HHIPL1: variants seen among roughly 807,000 people sequenced by gnomAD.
HHIPL1 encodes HHIP like 1.
In HHIPL1, 43 loss-of-function variants were observed where a neutral mutation model predicts 61.8. That is an observed-to-expected ratio of 0.70 (90% CI 0.55 to 0.90). The LOEUF (loss-of-function observed/expected upper bound fraction) is 0.90. Among genes scored for constraint, HHIPL1 ranks in the 40% least tolerant of loss-of-function variants. The pLI is 0.00. For synonymous variants in HHIPL1, 482 were observed against 515.8 expected (o/e 0.93, Z 0.89); for missense variants, 1,056 against 1,157.7 (o/e 0.91, Z 1.28).
At chr14:99,611,450 C>T in the HHIPL1 span, among the ~76,000 whole-genome samples, 608 of 152,174 alleles carry the variant, frequency 4.0e-3, 6 homozygotes, top group African/African-American at 0.014. Flanking sequence ...TCCACCACCA[C>T]GCCCAGGTAA....
chr14:99,670,783 C>T (rs1395268858), intron 7 of HHIPL1, among the ~76,000 whole-genome samples: 1 of 152,110 alleles, frequency 6.6e-6, no homozygotes, highest in Non-Finnish European at 1.5e-5. Flanking sequence ...CATCGCCCTC[C>T]AAAAAACCAT....
the HHIPL1 span, among the ~76,000 whole-genome samples, chr14:99,606,227 C>G: frequency 1.3e-5 from 2 of 152,178 alleles, no homozygotes; most frequent in Non-Finnish European, 2.9e-5. Flanking sequence ...CCAAGAGAAC[C>G]AGCTCCTGAG....
At chr14:99,665,531 C>G (rs1222118095) in intron 6 of HHIPL1, among the ~76,000 whole-genome samples, 2 of 152,238 alleles carry the variant, frequency 1.3e-5, no homozygotes, top group Non-Finnish European at 2.9e-5. Context: ...GCCTCCAACT[C>G]CTGGGCAATC....
the HHIPL1 span, among the ~76,000 whole-genome samples, chr14:99,637,395 C>T: frequency 6.6e-6 from 1 of 151,884 alleles, no homozygotes. Flanking sequence ...AACCCGGTCT[C>T]TACTAAAACA....
the HHIPL1 span, among the ~76,000 whole-genome samples, chr14:99,622,506 G>A: frequency 6.6e-6 from 1 of 152,184 alleles, no homozygotes; most frequent in Non-Finnish European, 1.5e-5. Flanking sequence ...TGGCACCGAC[G>A]CCCTGTCCTT....
chr14:99,639,216 C>T, the HHIPL1 span, among the ~76,000 whole-genome samples: 1 of 152,208 alleles, frequency 6.6e-6, no homozygotes, highest in South Asian at 2.1e-4. Context: ...TGTGGTGACT[C>T]CAGCTTTATT....
At chr14:99,644,032 G>A (rs2055787889), upstream of HHIPL1, among the ~76,000 whole-genome samples, 1 of 152,150 alleles carries the variant, frequency 6.6e-6, no homozygotes, top group African/African-American at 2.4e-5. Context: ...AATTCCCCGT[G>A]TTTCAAATAC....
At chr14:99,651,575 T>A (rs2140058440) in intron 1 of HHIPL1, among the ~76,000 whole-genome samples, 1 of 152,230 alleles carries the variant, frequency 6.6e-6, no homozygotes, top group Middle Eastern at 3.4e-3. Context: ...CGCCCCGTGA[T>A]CCAGTCACCT....
chr14:99,607,601 G>A, the HHIPL1 span, among the ~76,000 whole-genome samples: 2 of 152,184 alleles, frequency 1.3e-5, no homozygotes, highest in South Asian at 4.1e-4. Context: ...CCTAGGGCCT[G>A]TGGGGGGAGT....
chr14:99,608,708 G>A, the HHIPL1 span, among the ~76,000 whole-genome samples: 1 of 152,166 alleles, frequency 6.6e-6, no homozygotes, highest in African/African-American at 2.4e-5. Context: ...ATGTTGACTG[G>A]GCACTTTCTA....
At chr14:99,662,146 A>G (rs986104185) in intron 5 of HHIPL1, among the ~76,000 whole-genome samples, 2 of 152,270 alleles carry the variant, frequency 1.3e-5, no homozygotes, top group Non-Finnish European at 2.9e-5. Context: ...AACCAGGATG[A>G]CAGAGATGAA....
the HHIPL1 span, among the ~76,000 whole-genome samples, chr14:99,609,538 C>G: frequency 6.6e-6 from 1 of 152,222 alleles, no homozygotes; most frequent in African/African-American, 2.4e-5. Context: ...TGGGGTGGGG[C>G]CAGCCCAGAA....
chr14:99,617,232 A>G, the HHIPL1 span, among the ~76,000 whole-genome samples: 2 of 152,230 alleles, frequency 1.3e-5, no homozygotes, highest in African/African-American at 4.8e-5. Flanking sequence ...AGAAACCGTC[A>G]TTGACCATTT....
intron 2 of HHIPL1, among the ~76,000 whole-genome samples, chr14:99,654,274 CT>C (rs2055991310): frequency 6.6e-6 from 1 of 152,050 alleles, no homozygotes; most frequent in Admixed American, 6.6e-5. Flanking sequence ...AGGAAGCTGC[CT>C]CTACCCCTTG....
At chr14:99,659,267 T>G (rs1201924222) in intron 3 of HHIPL1, among the ~76,000 whole-genome samples, 161 bp from the exon 4 acceptor site, 1 of 152,100 alleles carries the variant, frequency 6.6e-6, no homozygotes, top group Non-Finnish European at 1.5e-5. Context: ...CGGCTGTAAG[T>G]AGTTAAGGCG....
chr14:99,654,730 A>C (rs1386203734), intron 2 of HHIPL1, among the ~76,000 whole-genome samples: 1 of 152,258 alleles, frequency 6.6e-6, no homozygotes, highest in East Asian at 1.9e-4. Flanking sequence ...TATGATTCAC[A>C]GCATTAGTTT....
chr14:99,626,475 G>A, the HHIPL1 span, among the ~76,000 whole-genome samples: 1 of 152,116 alleles, frequency 6.6e-6, no homozygotes, highest in African/African-American at 2.4e-5. Context: ...GGCCCATCCA[G>A]CTACCTCCAC....
At chr14:99,653,524 G>T (rs1402633799) in intron 2 of HHIPL1, among the ~76,000 whole-genome samples, 1 of 152,128 alleles carries the variant, frequency 6.6e-6, no homozygotes, top group Admixed American at 6.5e-5. Context: ...GTGGAGACAG[G>T]GTTCCACTGT....
the HHIPL1 span, among the ~76,000 whole-genome samples, chr14:99,621,497 T>C: frequency 6.6e-6 from 1 of 152,092 alleles, no homozygotes; most frequent in Non-Finnish European, 1.5e-5. Flanking sequence ...CCAGCTATTG[T>C]GAGTGGGCAC....
Sources: gnomAD v4.1 joint callset for allele counts (sites outside exome capture counted in the v4.1 genomes callset) on GRCh38, gnomAD v4.1.1 for gene constraint, MANE v1.5 for transcripts, NCBI Gene and HGNC (gene_info 2026-07-23, HGNC 2026-07-21) for gene names.